The following SYNPO variants were observed in gnomAD, a reference collection of about 807,000 sequenced individuals.
SYNPO encodes the protein synaptopodin.
Under a neutral mutation model 49.5 loss-of-function variants are expected in SYNPO, and 19 were observed. That is an observed-to-expected ratio of 0.38 (90% confidence interval 0.27 to 0.56). The LOEUF (loss-of-function observed/expected upper bound fraction) is 0.56. Among genes scored for constraint, SYNPO ranks in the 20% least tolerant of loss-of-function variants. The probability of loss-of-function intolerance (pLI) is 0.68; values close to 1 mark genes in which losing one functional copy is unlikely to be tolerated. For synonymous variants in SYNPO, 536 were observed against 548.0 expected, an observed-to-expected ratio of 0.98 and a Z score of 0.31; for missense variants, 1,131 against 1,248.3, an observed-to-expected ratio of 0.91 and a Z score of 1.42.
chr5:150,650,888 T>G, intron 2 of SYNPO: 15 of 1,256,258 alleles, frequency 1.2e-5, no homozygotes, highest in Non-Finnish European at 1.5e-5. Context: ...GGACACCGTT[T>G]CCTCTCCGCT....
Position 150,656,724 on chromosome 5 carries a change from C to T in SYNPO, c.2349C>T (p.Phe783=). Residue 783 remains phenylalanine, a synonymous_variant, in exon 3 of 3, where the codon TTC becomes TTT. Transcript: ENST00000307662. ...RSAGAENPRP[F]SPPRAPPPPP... is the part of the protein sequence containing the mutation. ...CGGGCGCCGAGAACCCGCGGCCCTT[C>T]TCCCCGCCGAGGGCGCCACCGCCCC... 7.3e-7 allele frequency: 1 copy of T among 1,365,376 alleles called. No homozygotes were observed. The highest frequency in any genetic ancestry group is 9.4e-7 in the Non-Finnish European group (1 of 1,059,380). The allele number at this position is 1,365,376 out of a possible 1,614,324, so 84.6% of individuals were successfully genotyped here.
At chr5:150,589,868 C>A in the SYNPO span, among the ~76,000 whole-genome samples, 1 of 152,206 alleles carries the variant, frequency 6.6e-6, no homozygotes, top group Non-Finnish European at 1.5e-5. Flanking sequence ...CTCTCTGGAG[C>A]CTGGGAGAAA....
intron 1 of SYNPO, among the ~76,000 whole-genome samples, chr5:150,612,920 A>T (rs372049143): frequency 1.1e-4 from 16 of 152,108 alleles, no homozygotes; most frequent in Admixed American, 1.0e-3. Context: ...CTGGGAGTAC[A>T]GGTGTGTGCC....
chr5:150,588,578 G>C, the SYNPO span, among the ~76,000 whole-genome samples: 2 of 152,162 alleles, frequency 1.3e-5, no homozygotes, highest in African/African-American at 2.4e-5. Flanking sequence ...GATTGTGGGA[G>C]TCAGAGAGAA....
intron 2 of SYNPO, among the ~76,000 whole-genome samples, chr5:150,625,886 G>T (rs1356706637): frequency 6.6e-6 from 1 of 152,224 alleles, no homozygotes; most frequent in Non-Finnish European, 1.5e-5. Flanking sequence ...TGAATGGCAG[G>T]TGGCACTGGA....
At chr5:150,609,802 G>A (rs1756799142) in intron 1 of SYNPO, among the ~76,000 whole-genome samples, 1 of 150,936 alleles carries the variant, frequency 6.6e-6, no homozygotes, top group Non-Finnish European at 1.5e-5. Context: ...GGGGCAGTGT[G>A]GAGCAGTCTC....
At chr5:150,650,650 CAG>C in intron 2 of SYNPO, 7 of 1,432,300 alleles carry the variant, frequency 4.9e-6, no homozygotes, top group Non-Finnish European at 6.4e-6. Flanking sequence ...TGTAGGGATG[CAG>C]AGTCTGATGC....
chr5:150,597,892 C>A (rs185122702), upstream of SYNPO, among the ~76,000 whole-genome samples: 47 of 152,268 alleles, frequency 3.1e-4, no homozygotes, highest in East Asian at 7.9e-3. Context: ...CCCACCTCAG[C>A]CTCCCAAAAT....
chr5:150,605,785 G>C (rs1247625691), intron 1 of SYNPO, among the ~76,000 whole-genome samples: 4 of 138,994 alleles, frequency 2.9e-5, no homozygotes, highest in Admixed American at 7.3e-5. Flanking sequence ...CACACACACA[G>C]ATATGCACAC....
chr5:150,649,768 C>G lies in SYNPO; in HGVS notation c.1493C>G (p.Ser498Cys). 6.2e-7 allele frequency: 1 copy of G among 1,612,814 alleles called. No homozygotes were observed. Among genetic ancestry groups the G allele is most frequent in the East Asian group, 2.2e-5 (1 of 44,878 alleles). ...QSRMEKYVIE[S>C]SSHTPELARC... Reference sequence around the variant, plus strand: ...CGGATGGAGAAATATGTCATCGAGTCTTCAAGCCACACGCCAGAGCTGGCC... The same window carrying G: ...CGGATGGAGAAATATGTCATCGAGTGTTCAAGCCACACGCCAGAGCTGGCC... Residue 498 changes from serine (S) to cysteine (C), a missense_variant, in exon 2 of 3, where the codon TCT becomes TGT. Transcript: ENST00000307662.
intron 2 of SYNPO, among the ~76,000 whole-genome samples, chr5:150,654,901 G>A (rs962704078): frequency 2.0e-5 from 3 of 152,282 alleles, no homozygotes; most frequent in Non-Finnish European, 2.9e-5. Flanking sequence ...TGAGGCGGGC[G>A]GATCACCTGA....
At chr5:150,586,211 C>T in the SYNPO span, among the ~76,000 whole-genome samples, 1 of 152,252 alleles carries the variant, frequency 6.6e-6, no homozygotes, top group Non-Finnish European at 1.5e-5. Flanking sequence ...TCATGCTTGA[C>T]AGCTGTCTCT....
At chr5:150,644,170 GAAA>G (rs11306904) in intron 1 of SYNPO, among the ~76,000 whole-genome samples, 31 of 116,252 alleles carry the variant, frequency 2.7e-4, no homozygotes, top group African/African-American at 6.8e-4. Context: ...CCCTGTCTCA[GAAA>G]AAAAAAAAAA....
intron 1 of SYNPO, chr5:150,608,643 C>G (rs1447667491): frequency 6.6e-6 from 1 of 152,084 alleles, no homozygotes; most frequent in African/African-American, 2.4e-5. Context: ...CCTGTATGAT[C>G]TCTGGGCATC....
At chr5:150,641,265 C>G (rs929183900) in intron 1 of SYNPO, among the ~76,000 whole-genome samples, 1 of 152,170 alleles carries the variant, frequency 6.6e-6, no homozygotes, top group African/African-American at 2.4e-5. Context: ...CATTTTCCTG[C>G]CCCCAGCTGA....
intron 1 of SYNPO, chr5:150,615,064 G>A (rs1756947782): frequency 6.6e-6 from 1 of 152,256 alleles, no homozygotes; most frequent in Non-Finnish European, 1.5e-5. Flanking sequence ...GCACCTAGCA[G>A]GTGCTCAGTT....
At chr5:150,643,822 C>T (rs558818771) in intron 1 of SYNPO, among the ~76,000 whole-genome samples, 39 of 152,180 alleles carry the variant, frequency 2.6e-4, no homozygotes, top group Admixed American at 1.2e-3. Context: ...CGCGAGCCAC[C>T]GCGCCCGGCT....
At chr5:150,655,871 G>A (rs545362688) in intron 2 of SYNPO, among the ~76,000 whole-genome samples, 2 of 152,274 alleles carry the variant, frequency 1.3e-5, no homozygotes, top group East Asian at 3.9e-4. Context: ...GGCTGGTCTC[G>A]AACTCCTGAC....
intron 1 of SYNPO, among the ~76,000 whole-genome samples, chr5:150,645,952 T>A (rs1581505110): frequency 6.6e-6 from 1 of 152,148 alleles, no homozygotes; most frequent in East Asian, 1.9e-4. Context: ...TAGGAAGAAA[T>A]CCTGGGAGGA....
Sources: gnomAD v4.1 joint callset for allele counts (sites outside exome capture counted in the v4.1 genomes callset) on GRCh38, gnomAD v4.1.1 for gene constraint, MANE v1.5 for transcripts, NCBI Gene and HGNC (gene_info 2026-07-23, HGNC 2026-07-21) for gene names.